GRAP2: variants seen among roughly 807,000 people sequenced by gnomAD.
GRAP2 encodes GRB2-related adapter protein 2.
A neutral mutation model predicts 43.5 loss-of-function variants in GRAP2; 31 were observed. That is an observed-to-expected ratio of 0.71 (90% CI 0.54 to 0.96). GRAP2 has a LOEUF of 0.96. GRAP2 is among the 40% of genes least tolerant of loss of function. The probability of loss-of-function intolerance (pLI) is 0.00; values close to 1 mark genes in which losing one functional copy is unlikely to be tolerated. For missense variants in GRAP2, 371 were observed against 424.4 expected (o/e 0.87, Z 1.11); for synonymous variants, 156 against 164.8 (o/e 0.95, Z 0.41).
At chr22:39,940,704 G>C (rs1305186487) in intron 1 of GRAP2, among the ~76,000 whole-genome samples, 9 of 152,214 alleles carry the variant, frequency 5.9e-5, no homozygotes, top group East Asian at 1.9e-4. Context: ...GTCCACTCAG[G>C]AGGAATGGGA....
intron 1 of GRAP2, among the ~76,000 whole-genome samples, chr22:39,909,523 CCTGT>C (rs1380018652): frequency 6.6e-6 from 1 of 152,124 alleles, no homozygotes; most frequent in Non-Finnish European, 1.5e-5. Flanking sequence ...GTAAAAATTA[CCTGT>C]CTGATTACTT....
chr22:39,927,367 C>T (rs755280586), intron 1 of GRAP2, among the ~76,000 whole-genome samples: 1 of 152,140 alleles, frequency 6.6e-6, no homozygotes, highest in Non-Finnish European at 1.5e-5. Flanking sequence ...GATTGAAAGA[C>T]CCTGAAAAAA....
Position 39,971,143 on chromosome 22 carries a change from A to C in GRAP2, c.*59A>C. On this transcript the variant is annotated 3_prime_UTR_variant, in exon 8 of 8. Coordinates refer to ENST00000344138, the MANE Select transcript of GRAP2 (RefSeq NM_004810.4). ...CTGCCCACAAGAAAGAGGGCAAGGA[A>C]AAAAGGCTGGACTCCATGACTATAT... 1 of 1,355,742 alleles carries C rather than the reference A, an allele frequency of 7.4e-7. No homozygotes were observed. Among genetic ancestry groups the C allele is most frequent in the East Asian group, 2.3e-5 (1 of 43,586 alleles). 84.0% of individuals were successfully genotyped at this position (1,355,742 alleles called of 1,614,324 possible). A position where few individuals can be genotyped will look rare whatever the true frequency, so the allele number is the denominator to read the frequency against.
chr22:39,927,768 A>G (rs1189819707), intron 1 of GRAP2, among the ~76,000 whole-genome samples: 1 of 151,802 alleles, frequency 6.6e-6, no homozygotes, highest in Non-Finnish European at 1.5e-5. Flanking sequence ...GCCCTGTCTC[A>G]CCACTTGAGG....
chr22:39,912,941 C>A (rs2066577432), intron 1 of GRAP2, among the ~76,000 whole-genome samples: 1 of 151,916 alleles, frequency 6.6e-6, no homozygotes, highest in Non-Finnish European at 1.5e-5. Context: ...ACCTGTAATC[C>A]CAGCACTTTG....
chr22:39,931,131 G>C (rs557190062), intron 1 of GRAP2, among the ~76,000 whole-genome samples: 1 of 152,336 alleles, frequency 6.6e-6, no homozygotes, highest in East Asian at 1.9e-4. Flanking sequence ...CACAGGGCTT[G>C]ACACAGAGTG....
intron 1 of GRAP2, among the ~76,000 whole-genome samples, chr22:39,937,089 C>T (rs1235054608): frequency 6.6e-6 from 1 of 152,180 alleles, no homozygotes; most frequent in Non-Finnish European, 1.5e-5. Flanking sequence ...AAATCTCTTG[C>T]CTCCATTTCC....
At chr22:39,957,524 C>G (rs193182241) in intron 3 of GRAP2, among the ~76,000 whole-genome samples, 1 of 152,206 alleles carries the variant, frequency 6.6e-6, no homozygotes, top group Non-Finnish European at 1.5e-5. Flanking sequence ...CAGAAATTCT[C>G]CTCTCTCTCT....
intron 1 of GRAP2, among the ~76,000 whole-genome samples, chr22:39,911,072 A>G (rs560532886): frequency 4.9e-4 from 74 of 152,308 alleles, no homozygotes; most frequent in African/African-American, 8.2e-4. Context: ...CGGTGAGGAT[A>G]TGCGACAATG....
chr22:39,896,465 C>T (rs112339829), upstream of GRAP2, among the ~76,000 whole-genome samples: 1 of 152,208 alleles, frequency 6.6e-6, no homozygotes, highest in Non-Finnish European at 1.5e-5. Flanking sequence ...GTCAGTTTGG[C>T]AGGAAAGCTG....
intron 1 of GRAP2, among the ~76,000 whole-genome samples, chr22:39,922,990 C>T (rs996806795): frequency 3.3e-5 from 5 of 150,750 alleles, no homozygotes; most frequent in Non-Finnish European, 7.4e-5. Context: ...TGCAGTGAGC[C>T]GAGATTGCTC....
Position 39,966,037 on chromosome 22 carries a change from G to T in GRAP2, c.338G>T (p.Gly113Val). Reference protein sequence around the residue: ...QHFKVMRDNKGNYFLWTEKFP... With the variant: ...QHFKVMRDNKVNYFLWTEKFP... ...TTCAAGGTCATGCGAGACAACAAGG[G>T]TAATTACTTTCTGTGGACTGAGAAG... The change falls in exon 5 of 8, where the codon GGT (glycine) becomes GTT (valine). Residue 113 changes from glycine (G) to valine (V), a missense_variant. Gly to Val is a moderately radical substitution (Grantham distance 109). Transcript: ENST00000344138. 1 of 1,614,024 alleles carries T rather than the reference G, an allele frequency of 6.2e-7. No homozygotes were observed. The highest frequency in any genetic ancestry group is 1.1e-5 in the South Asian group (1 of 91,076).
intron 3 of GRAP2, among the ~76,000 whole-genome samples, chr22:39,959,198 T>C (rs2067089754): frequency 6.6e-6 from 1 of 152,248 alleles, no homozygotes; most frequent in African/African-American, 2.4e-5. Flanking sequence ...GGCCTCCTGC[T>C]TTGAGGCTGC....
At chr22:39,955,141 T>C (rs1323876185) in intron 2 of GRAP2, among the ~76,000 whole-genome samples, 1 of 152,160 alleles carries the variant, frequency 6.6e-6, no homozygotes, top group East Asian at 1.9e-4. Context: ...GGTGGATCAC[T>C]AGGTCAAAGG....
chr22:39,939,946 C>G (rs1285884883), intron 1 of GRAP2, among the ~76,000 whole-genome samples: 1 of 152,082 alleles, frequency 6.6e-6, no homozygotes, highest in African/African-American at 2.4e-5. Context: ...ATGGCCACCC[C>G]CAAGTTCATA....
intron 1 of GRAP2, among the ~76,000 whole-genome samples, chr22:39,904,691 T>A (rs1350652211): frequency 2.0e-5 from 3 of 152,216 alleles, no homozygotes; most frequent in African/African-American, 2.4e-5. Context: ...TGATAGCTAG[T>A]GCAGATTTAA....
intron 5 of GRAP2, among the ~76,000 whole-genome samples, chr22:39,966,996 T>TCACACA (rs10552410): frequency 2.0e-5 from 3 of 150,764 alleles, no homozygotes; most frequent in Non-Finnish European, 1.5e-5. Context: ...ATGCACACAC[T>TCACACA]CACACACACA....
At chr22:39,965,840 C>A (rs1007555387) in intron 4 of GRAP2, 150 bp from the exon 5 acceptor site, 2 of 688,326 alleles carry the variant, frequency 2.9e-6, no homozygotes, top group African/African-American at 1.8e-5. Context: ...CGAAGCCTGA[C>A]TGGGCTGGCC....
intron 4 of GRAP2, 156 bp downstream of exon 4, chr22:39,960,330 C>A: frequency 1.5e-6 from 1 of 666,286 alleles, no homozygotes; most frequent in East Asian, 2.5e-5. Context: ...CTGCTGCTCC[C>A]AGTGCCTTCC....
Sources: gnomAD v4.1 joint callset for allele counts (sites outside exome capture counted in the v4.1 genomes callset) on GRCh38, gnomAD v4.1.1 for gene constraint, MANE v1.5 for transcripts, NCBI Gene and HGNC (gene_info 2026-07-23, HGNC 2026-07-21) for gene names.